The following KCTD1 variants were observed in gnomAD, a reference collection of about 807,000 sequenced individuals.
The protein encoded by KCTD1 is BTB/POZ domain-containing protein KCTD1.
A neutral mutation model predicts 66.0 loss-of-function variants in KCTD1; 24 were observed. That is an observed-to-expected ratio of 0.36 (90% CI 0.26 to 0.51). The LOEUF (loss-of-function observed/expected upper bound fraction) is 0.51. Ranked by LOEUF, KCTD1 falls within the 20% of genes least tolerant of loss-of-function variation. KCTD1 has a pLI of 0.95. For missense variants in KCTD1, 943 were observed against 1,205.2 expected (o/e 0.78, Z 3.22); for synonymous variants, 511 against 517.2 (o/e 0.99, Z 0.16).
At chr18:26,490,155 C>T (rs1307605448) in intron 2 of KCTD1, among the ~76,000 whole-genome samples, 1 of 152,182 alleles carries the variant, frequency 6.6e-6, no homozygotes, top group Non-Finnish European at 1.5e-5. Context: ...ACCATGGTGC[C>T]CATGGTACTG....
intron 1 of KCTD1, chr18:26,600,039 C>A: frequency 6.2e-7 from 1 of 1,611,452 alleles, no homozygotes; most frequent in South Asian, 1.1e-5. Flanking sequence ...GCATGGATCT[C>A]ATTGACTCAG....
intron 1 of KCTD1, among the ~76,000 whole-genome samples, chr18:26,635,653 C>T (rs567977032): frequency 1.3e-4 from 20 of 152,326 alleles, no homozygotes; most frequent in African/African-American, 4.8e-4. Flanking sequence ...TTAAAAACCA[C>T]ATCAGTCAGT....
chr18:26,454,937 T>C lies in KCTD1; in HGVS notation c.*806A>G, dbSNP rs1460845342. The C allele has an allele frequency of 6.6e-6, 1 of 152,532 alleles. No homozygotes were observed. Among genetic ancestry groups the C allele is most frequent in the African/African-American group, 2.4e-5 (1 of 41,454 alleles). 9.4% of individuals were successfully genotyped at this position (152,532 alleles called of 1,614,324 possible). A position where few individuals can be genotyped will look rare whatever the true frequency, so the allele number is the denominator to read the frequency against. On this transcript the variant is annotated 3_prime_UTR_variant, in exon 5 of 5. Coordinates refer to ENST00000580059, the MANE Select transcript of KCTD1 (RefSeq NM_001142730.3). ...TCAAAAAGAAAAAATTTCACTTTAA[T>C]CCAGCCTCACCCCCACATGTGTGTT...
intron 1 of KCTD1, among the ~76,000 whole-genome samples, chr18:26,598,804 ATC>A (rs1470699927): frequency 6.6e-6 from 1 of 150,412 alleles, no homozygotes; most frequent in Admixed American, 6.7e-5. Context: ...CTTTGGAAAA[ATC>A]TCTCTTTAAA....
At chr18:26,479,444 G>A (rs1567961725) in intron 2 of KCTD1, among the ~76,000 whole-genome samples, 1 of 152,224 alleles carries the variant, frequency 6.6e-6, no homozygotes. Flanking sequence ...GAACGCTGGC[G>A]GCCAGCTCGG....
chr18:26,483,261 CTTTCT>C (rs1391897000), intron 2 of KCTD1, among the ~76,000 whole-genome samples: 1 of 152,076 alleles, frequency 6.6e-6, no homozygotes, highest in Non-Finnish European at 1.5e-5. Context: ...GAGTATTTTT[CTTTCT>C]TTTCTTTTTT....
chr18:26,614,823 C>T (rs1987214590), intron 1 of KCTD1, among the ~76,000 whole-genome samples: 1 of 152,222 alleles, frequency 6.6e-6, no homozygotes. Context: ...ATCTTGTTCC[C>T]TTAAACATAT....
Position 26,547,013 on chromosome 18 carries a change from G to A in KCTD1, c.1524C>T (p.Pro508=). The A allele has an allele frequency of 6.7e-7, 1 of 1,483,176 alleles. No homozygotes were observed. Among genetic ancestry groups the A allele is most frequent in the Non-Finnish European group, 9.0e-7 (1 of 1,113,944 alleles). The allele number at this position is 1,483,176 out of a possible 1,614,324, so 91.9% of individuals were successfully genotyped here. Residue 508 remains proline (P), a synonymous_variant, in exon 1 of 5, where the codon CCC becomes CCT. Transcript: ENST00000580059. ...HPSHHHRPQP[P]SLGNTYILPK... ...GGAGGATGTAAGTGTTCCCCAGCGA[G>A]GGCGGCTGGGGGCGGTGGTGGTGGG...
chr18:26,501,182 G>A lies in KCTD1; in HGVS notation c.1878C>T (p.Gly626=). The A allele has an allele frequency of 6.2e-7, 1 of 1,614,230 alleles. No individual in the cohort carries two copies. The highest frequency in any genetic ancestry group is 8.5e-7 in the Non-Finnish European group (1 of 1,180,030). ...RSPASPLNNQ[G]IPTPAQLTKS... is the part of the protein sequence containing the mutation. ...TTGTGAGTTGTGCTGGAGTAGGGAT[G>A]CCTTGGTTGTTCAGTGGAGATGCAG... The change falls in exon 2 of 5, where the codon GGC becomes GGT. Residue 626 remains glycine, a synonymous_variant. Coordinates refer to ENST00000580059, the MANE Select transcript of KCTD1 (RefSeq NM_001142730.3).
chr18:26,556,834 C>T (rs1002675965), intron 1 of KCTD1, among the ~76,000 whole-genome samples: 3 of 152,228 alleles, frequency 2.0e-5, no homozygotes, highest in Non-Finnish European at 2.9e-5. Context: ...AGGCCAGGAC[C>T]TTTCAGTTCT....
chr18:26,546,601 C>G, intron 1 of KCTD1, 127 bp downstream of exon 1: 2 of 1,143,846 alleles, frequency 1.7e-6, no homozygotes, highest in South Asian at 1.8e-5. Flanking sequence ...AAGGGTGAAA[C>G]GAAATCCGAT....
At chr18:26,518,409 G>A (rs1396256647) in intron 1 of KCTD1, among the ~76,000 whole-genome samples, 2 of 151,976 alleles carry the variant, frequency 1.3e-5, no homozygotes, top group African/African-American at 2.4e-5. Flanking sequence ...TGGACTACAG[G>A]TGCGCACCAC....
chr18:26,471,162 G>A (rs1981040128), intron 3 of KCTD1, among the ~76,000 whole-genome samples: 1 of 152,100 alleles, frequency 6.6e-6, no homozygotes, highest in African/African-American at 2.4e-5. Context: ...CAGGTCTCCT[G>A]CCTGAGTCAC....
chr18:26,561,928 C>A (rs192707002), intron 1 of KCTD1, among the ~76,000 whole-genome samples: 1 of 152,340 alleles, frequency 6.6e-6, no homozygotes, highest in African/African-American at 2.4e-5. Context: ...ACCGTCTAGT[C>A]TGGCCTCCAA....
At chr18:26,632,826 T>C (rs540212395), upstream of KCTD1, among the ~76,000 whole-genome samples, 1 of 152,282 alleles carries the variant, frequency 6.6e-6, no homozygotes, top group South Asian at 2.1e-4. Context: ...TGAAAAGATA[T>C]ATCAAGTTAT....
rs560831729 is a variant in KCTD1 at position 26,510,130 on chromosome 18, G to A, written c.1810-8880C>T. 1.9e-3 allele frequency among the ~76,000 whole-genome samples: 289 copies of A among 152,322 alleles called. 1 individual carries two copies. The highest frequency in any genetic ancestry group is 2.8e-3 in the Non-Finnish European group (191 of 68,030). Reference sequence around the variant, plus strand: ...TACAGTGAACTACTCTAAGGTCGCTGAGCGGCAAGGCCCAACAAAAAGGCA... The same window carrying A: ...TACAGTGAACTACTCTAAGGTCGCTAAGCGGCAAGGCCCAACAAAAAGGCA... On this transcript the variant is annotated intron_variant, in intron 1 of 4. Coordinates refer to ENST00000580059, the MANE Select transcript of KCTD1 (RefSeq NM_001142730.3).
chr18:26,521,493 C>G (rs1281797487), intron 1 of KCTD1, among the ~76,000 whole-genome samples: 1 of 152,184 alleles, frequency 6.6e-6, no homozygotes, highest in Non-Finnish European at 1.5e-5. Context: ...ACTTACTTCA[C>G]AGGGCTGTCT....
Position 26,476,250 on chromosome 18 carries a change from A to G in KCTD1, c.2133+265T>C, listed in dbSNP as rs1386200687. On this transcript the variant is annotated intron_variant, in intron 3 of 4. Coordinates refer to ENST00000580059, the MANE Select transcript of KCTD1 (RefSeq NM_001142730.3). The surrounding 1 kb of genome is among the most constrained non-coding windows in gnomAD (Gnocchi z 4.9). The stretch of plus-strand genomic sequence containing the variant: ...CTCTAGCTCTCTAAGACATATCAGA[A>G]ATGAGCTTTGAATTTAATCAACTCC... 1.3e-5 allele frequency among the ~76,000 whole-genome samples: 2 copies of G among 152,220 alleles called. No individual in the cohort carries two copies. Among genetic ancestry groups the G allele is most frequent in the Admixed American group, 6.5e-5 (1 of 15,290 alleles).
At chr18:26,609,460 C>T (rs745783827) in intron 1 of KCTD1, among the ~76,000 whole-genome samples, 2 of 152,110 alleles carry the variant, frequency 1.3e-5, no homozygotes, top group Non-Finnish European at 2.9e-5. Flanking sequence ...ACCATATTAC[C>T]GGGTGATGGA....
Sources: gnomAD v4.1 joint callset for allele counts (sites outside exome capture counted in the v4.1 genomes callset) on GRCh38, gnomAD v4.1.1 for gene constraint, Gnocchi (gnomAD v3.1) non-coding constraint, MANE v1.5 for transcripts, NCBI Gene and HGNC (gene_info 2026-07-23, HGNC 2026-07-21) for gene names.